Variants in UNC80 observed in about 807,000 individuals in gnomAD.
UNC80 encodes protein unc-80 homolog.
UNC80 carries 164 observed loss-of-function variants against 384.6 expected under a neutral mutation model. That is an observed-to-expected ratio of 0.43 (90% CI 0.38 to 0.49). The LOEUF (loss-of-function observed/expected upper bound fraction) is 0.49, where lower values mean the gene tolerates loss of function less well. Ranked by LOEUF, UNC80 falls within the 20% of genes least tolerant of loss-of-function variation. The pLI is 0.00. For synonymous variants in UNC80, 1,486 were observed against 1,527.8 expected (o/e 0.97, Z 0.64); for missense variants, 3,330 against 4,143.0 (o/e 0.80, Z 5.39).
At chr2:209,931,371 A>ACACACACG in intron 38 of UNC80, among the ~76,000 whole-genome samples, 1 of 126,830 alleles carries the variant, frequency 7.9e-6, no homozygotes, top group Non-Finnish European at 1.6e-5. Flanking sequence ...TTAAACACAC[A>ACACACACG]CACACACACA....
At chr2:209,779,942 G>T (rs1454016103) in intron 4 of UNC80, among the ~76,000 whole-genome samples, 4 of 152,206 alleles carry the variant, frequency 2.6e-5, no homozygotes, top group African/African-American at 7.2e-5. Flanking sequence ...TGCCTGCTGT[G>T]CTCTACTGTA....
At chr2:209,900,242 T>C (rs943239233) in intron 28 of UNC80, among the ~76,000 whole-genome samples, 2 of 152,196 alleles carry the variant, frequency 1.3e-5, no homozygotes, top group Admixed American at 1.3e-4. Flanking sequence ...TTACAGACTA[T>C]AGGTTTGTGG....
chr2:209,805,826 T>G (rs2078862456), intron 7 of UNC80, among the ~76,000 whole-genome samples: 1 of 152,222 alleles, frequency 6.6e-6, no homozygotes, highest in Non-Finnish European at 1.5e-5. Context: ...ACTCTTTGGA[T>G]CACACCAACT....
Position 209,922,345 on chromosome 2 carries a change from G to C in UNC80, c.5624G>C (p.Gly1875Ala). 6.4e-7 allele frequency: 1 copy of C among 1,551,740 alleles called. No homozygotes were observed. Among genetic ancestry groups the C allele is most frequent in the East Asian group, 2.4e-5 (1 of 40,906 alleles). ...CACAGGAATTATTCCTTCCGCCGCG[G>C]GTCAGTCTGGTCAGTGCGTTCAGCC... ...TSHRNYSFRR[G>A]SVWSVRSAVS... The change falls in exon 35 of 65, where the codon GGG becomes GCG. Residue 1875 changes from glycine (G) to alanine (A), a missense_variant. Gly to Ala is a moderately conservative substitution (Grantham distance 60). Coordinates refer to ENST00000673920, the MANE Select transcript of UNC80 (RefSeq NM_001371986.1).
At chr2:209,812,942 C>T (rs2153827235) in intron 7 of UNC80, among the ~76,000 whole-genome samples, 1 of 152,284 alleles carries the variant, frequency 6.6e-6, no homozygotes, top group Middle Eastern at 3.4e-3. Context: ...ATTAGTCTTG[C>T]TCTCTTGCAA....
chr2:209,772,238 G>GCCT, intron 1 of UNC80, 74 bp downstream of exon 1: 1 of 761,432 alleles, frequency 1.3e-6, no homozygotes, highest in Non-Finnish European at 1.7e-6. Context: ...GGTCGCCGCT[G>GCCT]CCGCCGCCGC....
At chr2:209,956,772 TCCC>T (rs2092433996) in intron 48 of UNC80, among the ~76,000 whole-genome samples, 1 of 151,958 alleles carries the variant, frequency 6.6e-6, no homozygotes, top group Admixed American at 6.6e-5. Flanking sequence ...ATGCAGATAC[TCCC>T]CCTTTTTGCC....
intron 26 of UNC80, among the ~76,000 whole-genome samples, chr2:209,891,542 C>G (rs1191608134): frequency 6.6e-6 from 1 of 151,816 alleles, no homozygotes; most frequent in East Asian, 1.9e-4. Context: ...AAAATTTACA[C>G]CATTTTATAA....
chr2:209,787,777 T>C (rs1268495780), intron 5 of UNC80, among the ~76,000 whole-genome samples: 3 of 152,258 alleles, frequency 2.0e-5, no homozygotes, highest in African/African-American at 7.2e-5. Flanking sequence ...AACTGGTTTA[T>C]GTATTTACTA....
intron 26 of UNC80, among the ~76,000 whole-genome samples, chr2:209,892,370 A>G (rs898499085): frequency 2.0e-5 from 3 of 152,184 alleles, no homozygotes; most frequent in African/African-American, 7.2e-5. Context: ...TCATGGAGAT[A>G]AAGGCTAAAA....
chr2:209,974,633 T>C (rs530462650), intron 56 of UNC80, among the ~76,000 whole-genome samples: 164 of 152,254 alleles, frequency 1.1e-3, no homozygotes, highest in Non-Finnish European at 2.0e-3. Context: ...TATTACCACA[T>C]TGAATCCTCT....
rs1267148638 is a variant in UNC80, at chr2:209,992,229, G to A, written c.9378G>A (p.Arg3126=). ...QNLLVQQPLG[R]KRGLRQLRRP... ...TCCTTGTTCAGCAGCCGCTGGGGAG[G>A]AAGAGGGGCCTGAGGCAGGTAAGTA... is the stretch of plus-strand genomic sequence containing the variant. Residue 3126 remains arginine, a synonymous_variant, in exon 62 of 65, where the codon AGG becomes AGA. Transcript: ENST00000673920. 6.4e-7 allele frequency: 1 copy of A among 1,551,622 alleles called. No individual in the cohort carries two copies. Among genetic ancestry groups the A allele is most frequent in the Non-Finnish European group, 8.7e-7 (1 of 1,146,930 alleles).
intron 31 of UNC80, among the ~76,000 whole-genome samples, chr2:209,914,640 T>C (rs1166069041): frequency 7.4e-6 from 1 of 135,584 alleles, no homozygotes; most frequent in African/African-American, 2.8e-5. Flanking sequence ...GGAATCCTTC[T>C]AGGGTAAACT....
At chr2:209,797,675 G>T (rs1414753469) in intron 7 of UNC80, among the ~76,000 whole-genome samples, 2 of 152,138 alleles carry the variant, frequency 1.3e-5, no homozygotes. Flanking sequence ...TATATACCCA[G>T]TAATAGGATT....
intron 7 of UNC80, chr2:209,809,380 G>A: frequency 1.9e-6 from 2 of 1,055,690 alleles, no homozygotes; most frequent in Non-Finnish European, 3.0e-6. Context: ...GCGGGGCCAT[G>A]TCCGGACCCA....
chr2:209,779,280 T>G (rs73074779), intron 4 of UNC80, among the ~76,000 whole-genome samples: 22,236 of 151,960 alleles, frequency 0.15, 2,452 homozygotes, highest in African/African-American at 0.3. Flanking sequence ...CTTGTGGGAT[T>G]CTCACCCTCA....
intron 15 of UNC80, among the ~76,000 whole-genome samples, chr2:209,830,338 A>G (rs2080864232): frequency 6.6e-6 from 1 of 152,230 alleles, no homozygotes; most frequent in African/African-American, 2.4e-5. Flanking sequence ...CACAATATAA[A>G]TTAAAAAGAC....
At chr2:209,785,974 C>G in intron 4 of UNC80, 92 bp from the exon 5 acceptor site, 1 of 1,374,260 alleles carries the variant, frequency 7.3e-7, no homozygotes, top group African/African-American at 1.5e-5. Flanking sequence ...TGAAAATAAC[C>G]TTGTGAGTGA....
intron 32 of UNC80, 127 bp downstream of exon 32, chr2:209,918,085 G>T: frequency 1.1e-6 from 1 of 896,414 alleles, no homozygotes. Context: ...GATCATATAA[G>T]TAAACCTAAC....
Sources: gnomAD v4.1 joint callset for allele counts (sites outside exome capture counted in the v4.1 genomes callset) on GRCh38, gnomAD v4.1.1 for gene constraint, MANE v1.5 for transcripts, NCBI Gene and HGNC (gene_info 2026-07-23, HGNC 2026-07-21) for gene names.